Variants in PCBP3 observed in about 807,000 individuals in gnomAD.
The protein encoded by PCBP3 is poly(rC)-binding protein 3.
PCBP3 carries 25 observed loss-of-function variants against 52.7 expected under a neutral mutation model. The ratio of observed to expected loss-of-function variants is 0.47; its 90% confidence interval spans 0.35 to 0.66. PCBP3 has a LOEUF of 0.66. Ranked by LOEUF, PCBP3 falls within the 30% of genes least tolerant of loss-of-function variation. The pLI is 0.01. For missense variants in PCBP3, 391 were observed against 490.3 expected (o/e 0.80, Z 1.91); for synonymous variants, 162 against 183.0 (o/e 0.89, Z 0.93).
At chr21:45,924,150 C>T (rs1288688671) in intron 13 of PCBP3, among the ~76,000 whole-genome samples, 60 of 82,740 alleles carry the variant, frequency 7.3e-4, no homozygotes, top group African/African-American at 3.8e-3. Flanking sequence ...CGGGTGTGCA[C>T]GAGGAGATGT....
At chr21:45,780,003 A>G (rs1211586787) in intron 4 of PCBP3, among the ~76,000 whole-genome samples, 1 of 152,254 alleles carries the variant, frequency 6.6e-6, no homozygotes, top group Non-Finnish European at 1.5e-5. Flanking sequence ...AACAGCGCCC[A>G]GGCAAATTAG....
intron 13 of PCBP3, among the ~76,000 whole-genome samples, chr21:45,923,837 C>T (rs6518262): frequency 0.47 from 32,534 of 69,794 alleles, 6,272 homozygotes; most frequent in African/African-American, 0.64. Context: ...ATGCGAACAC[C>T]GGGAACAGTC....
At chr21:45,845,527 C>A (rs1417792099) in intron 4 of PCBP3, among the ~76,000 whole-genome samples, 1 of 148,822 alleles carries the variant, frequency 6.7e-6, no homozygotes, top group Non-Finnish European at 1.5e-5. Context: ...TGAGTGTGTG[C>A]CTTTGCTGTG....
At chr21:45,889,851 TTC>T (rs1023808951) in intron 5 of PCBP3, among the ~76,000 whole-genome samples, 15 of 152,220 alleles carry the variant, frequency 9.9e-5, no homozygotes, top group African/African-American at 3.4e-4. Context: ...TCCCCCCAGA[TTC>T]TCTCCAGTGT....
chr21:45,674,800 G>A (rs1049648782), intron 2 of PCBP3, among the ~76,000 whole-genome samples: 6 of 152,178 alleles, frequency 3.9e-5, no homozygotes, highest in African/African-American at 9.7e-5. Flanking sequence ...GATGTGATCC[G>A]TAGATTCCCA....
chr21:45,783,291 A>T (rs2090785258), intron 4 of PCBP3, among the ~76,000 whole-genome samples: 1 of 152,132 alleles, frequency 6.6e-6, no homozygotes, highest in Admixed American at 6.6e-5. Context: ...CTTGGTTTTC[A>T]GCCATTTTTC....
chr21:45,712,215 G>T (rs1038055395), intron 2 of PCBP3, among the ~76,000 whole-genome samples: 1 of 152,226 alleles, frequency 6.6e-6, no homozygotes, highest in Admixed American at 6.5e-5. Flanking sequence ...AAACATTTGT[G>T]TGCAGGTTTT....
chr21:45,669,837 A>ATATATATATATC (rs1477323765), intron 2 of PCBP3, among the ~76,000 whole-genome samples: 1 of 121,844 alleles, frequency 8.2e-6, no homozygotes, highest in Non-Finnish European at 1.8e-5. Flanking sequence ...ATATATATAT[A>ATATATATATATC]TATATATATC....
At chr21:45,696,871 C>T (rs1021326142) in intron 2 of PCBP3, among the ~76,000 whole-genome samples, 6 of 151,714 alleles carry the variant, frequency 4.0e-5, no homozygotes, top group Non-Finnish European at 8.8e-5. Context: ...TTGAAATGTC[C>T]AGTAACTTAT....
At chr21:45,776,486 C>G (rs1224406695) in intron 4 of PCBP3, among the ~76,000 whole-genome samples, 1 of 151,706 alleles carries the variant, frequency 6.6e-6, no homozygotes, top group Non-Finnish European at 1.5e-5. Flanking sequence ...CTCTCTCTCT[C>G]TCTCTCTGTC....
At chr21:45,720,522 TA>T (rs1044361882) in intron 2 of PCBP3, among the ~76,000 whole-genome samples, 18 of 152,272 alleles carry the variant, frequency 1.2e-4, no homozygotes, top group African/African-American at 2.9e-4. Context: ...AAAAAAGTAA[TA>T]AAAAAAGAAT....
At chr21:45,939,968 CCA>C in intron 16 of PCBP3, 60 bp from the exon 17 acceptor site, 1 of 1,511,136 alleles carries the variant, frequency 6.6e-7, no homozygotes, top group African/African-American at 1.4e-5. Flanking sequence ...GGCGCACTGC[CCA>C]CAGTCTTCAG....
Position 45,940,185 on chromosome 21 carries a change from T to C in PCBP3, c.1065T>C (p.Tyr355=). The change falls in exon 17 of 18, where the codon TAT becomes TAC. Residue 355 remains tyrosine, a synonymous_variant. Transcript: ENST00000681687. ...GTPANISLAQ[Y]LINARLTSEV... ...CGGCCAACATCAGCCTTGCCCAGTA[T>C]CTCATCAACGCCAGGTGAGCATCTC... The C allele has an allele frequency of 6.2e-7, 1 of 1,612,928 alleles. No individual in the cohort carries two copies.
At position 45,909,346 on chromosome 21, in the gene PCBP3, C is replaced by A; in HGVS notation, c.340-9C>A. 2 of 1,610,840 alleles carry A rather than the reference C, an allele frequency of 1.2e-6. No individual in the cohort carries two copies. Among genetic ancestry groups the A allele is most frequent in the Non-Finnish European group, 1.7e-6 (2 of 1,178,838 alleles). On this transcript the variant is annotated splice_polypyrimidine_tract_variant and intron_variant, in intron 9 of 17. Transcript: ENST00000681687. ...TGAAGTGCTGCCAACACACGTGTCT[C>A]TCCCCTAGGATATCATCAACTCCAT...
chr21:45,892,752 G>C (rs2095709406), intron 5 of PCBP3, among the ~76,000 whole-genome samples: 1 of 152,308 alleles, frequency 6.6e-6, no homozygotes, highest in South Asian at 2.1e-4. Context: ...TGCATGGACT[G>C]TCCCCACCCC....
intron 4 of PCBP3, among the ~76,000 whole-genome samples, chr21:45,774,541 G>T (rs1239718089): frequency 6.6e-6 from 1 of 152,124 alleles, no homozygotes; most frequent in African/African-American, 2.4e-5. Flanking sequence ...CTCTGGCTAG[G>T]ACTTCCAGTA....
intron 5 of PCBP3, among the ~76,000 whole-genome samples, chr21:45,868,819 A>G (rs914831737): frequency 1.7e-4 from 26 of 152,172 alleles, no homozygotes; most frequent in African/African-American, 6.3e-4. Flanking sequence ...TCCTCACCCA[A>G]GCCAGGGCTT....
rs139794366 is a variant in PCBP3 at position 45,894,530 on chromosome 21, G to C, written c.11-1678G>C. Among the ~76,000 whole-genome samples the C allele has an allele frequency of 8.4e-3, 1,277 of 152,276 alleles. 72 individuals are homozygous for C. The highest frequency in any genetic ancestry group is 0.08 in the Admixed American group (1,220 of 15,300). ...TTCTCAGGGGCCACGCCATGCATTT[G>C]AACTGATACTCTGCTCTCCTTTCTG... On this transcript the variant is annotated intron_variant, in intron 5 of 17. Coordinates refer to ENST00000681687, the MANE Select transcript of PCBP3 (RefSeq NM_001384156.1).
chr21:45,749,338 T>G (rs1206517287), intron 3 of PCBP3: 1 of 152,104 alleles, frequency 6.6e-6, no homozygotes, highest in Non-Finnish European at 1.5e-5. Flanking sequence ...AGAGTGTCTG[T>G]GTGAGCGCCC....
Sources: gnomAD v4.1 joint callset for allele counts (sites outside exome capture counted in the v4.1 genomes callset) on GRCh38, gnomAD v4.1.1 for gene constraint, MANE v1.5 for transcripts, NCBI Gene and HGNC (gene_info 2026-07-23, HGNC 2026-07-21) for gene names.